The following OPCML variants were observed in gnomAD, a reference collection of about 807,000 sequenced individuals.
OPCML encodes opioid-binding protein/cell adhesion molecule.
A neutral mutation model predicts 37.8 loss-of-function variants in OPCML; 13 were observed. The ratio of observed to expected loss-of-function variants is 0.34; its 90% CI spans 0.22 to 0.55. The LOEUF is 0.55. Ranked by LOEUF, OPCML falls within the 20% of genes least tolerant of loss-of-function variation. OPCML has a pLI of 0.91. For synonymous variants in OPCML, 176 were observed against 168.8 expected, an observed-to-expected ratio of 1.04 and a Z score of -0.33; for missense variants, 341 against 435.6, an observed-to-expected ratio of 0.78 and a Z score of 1.93.
At chr11:132,992,969 G>C (rs767665305) in intron 1 of OPCML, among the ~76,000 whole-genome samples, 2 of 152,208 alleles carry the variant, frequency 1.3e-5, no homozygotes, top group South Asian at 2.1e-4. Flanking sequence ...TTTCATCTCC[G>C]TGTATGGGAG....
chr11:132,949,667 G>A (rs796170414), intron 1 of OPCML, among the ~76,000 whole-genome samples: 7 of 152,076 alleles, frequency 4.6e-5, no homozygotes, highest in East Asian at 1.9e-4. Flanking sequence ...AATGTAACAC[G>A]ATTTTTACTT....
chr11:132,486,289 T>C (rs1490453742), intron 4 of OPCML, among the ~76,000 whole-genome samples: 1 of 152,130 alleles, frequency 6.6e-6, no homozygotes, highest in African/African-American at 2.4e-5. Context: ...GATGCACCTA[T>C]CTTAGGGTTA....
chr11:133,527,552 C>A (rs1365910537), intron 1 of OPCML, among the ~76,000 whole-genome samples: 2 of 152,156 alleles, frequency 1.3e-5, no homozygotes, highest in Admixed American at 1.3e-4. Context: ...TCTACCTTAT[C>A]TTCTCCCATT....
At chr11:133,130,069 T>C (rs1054194101) in intron 1 of OPCML, among the ~76,000 whole-genome samples, 3 of 151,924 alleles carry the variant, frequency 2.0e-5, no homozygotes, top group Admixed American at 6.6e-5. Context: ...CTGTATTCCA[T>C]ACGTTCAAAT....
chr11:132,942,833 C>G (rs981911087), intron 2 of OPCML, 93 bp downstream of exon 2: 10 of 1,518,236 alleles, frequency 6.6e-6, no homozygotes, highest in Non-Finnish European at 9.0e-6. Context: ...ACTCGCGTTC[C>G]GGTCCCCCAT....
intron 1 of OPCML, among the ~76,000 whole-genome samples, chr11:133,235,590 C>T (rs1940476670): frequency 6.6e-6 from 1 of 152,196 alleles, no homozygotes; most frequent in Non-Finnish European, 1.5e-5. Context: ...GAAGTCAGAA[C>T]ACATTGCATG....
chr11:133,464,248 C>T (rs1946925341), intron 1 of OPCML, among the ~76,000 whole-genome samples: 1 of 152,186 alleles, frequency 6.6e-6, no homozygotes. Flanking sequence ...CCACCCAAAG[C>T]CCTTGCCATT....
intron 1 of OPCML, among the ~76,000 whole-genome samples, chr11:133,450,787 C>T (rs1267856188): frequency 2.6e-5 from 4 of 151,456 alleles, no homozygotes; most frequent in Non-Finnish European, 4.4e-5. Context: ...AGTTATTGTC[C>T]TGGATAGCTC....
At chr11:133,430,364 C>A (rs2136914837) in intron 1 of OPCML, among the ~76,000 whole-genome samples, 1 of 152,158 alleles carries the variant, frequency 6.6e-6, no homozygotes, top group Non-Finnish European at 1.5e-5. Context: ...AGGCAAGGTT[C>A]AACATTTGGA....
At chr11:132,613,521 C>T (rs1938795919) in intron 3 of OPCML, among the ~76,000 whole-genome samples, 1 of 152,146 alleles carries the variant, frequency 6.6e-6, no homozygotes, top group African/African-American at 2.4e-5. Context: ...CTCTGCCAAA[C>T]CATTGGAACT....
chr11:132,753,331 A>C (rs1945904160), intron 2 of OPCML, among the ~76,000 whole-genome samples: 1 of 152,180 alleles, frequency 6.6e-6, no homozygotes, highest in Non-Finnish European at 1.5e-5. Flanking sequence ...ATTCTGATTC[A>C]TTTTCATAAT....
chr11:132,815,083 G>A (rs1939554873), intron 2 of OPCML, among the ~76,000 whole-genome samples: 1 of 152,122 alleles, frequency 6.6e-6, no homozygotes, highest in Non-Finnish European at 1.5e-5. Flanking sequence ...ACCCTTTGCT[G>A]TAAAGTTGAA....
intron 1 of OPCML, among the ~76,000 whole-genome samples, chr11:132,956,523 GT>G (rs1945981336): frequency 6.6e-6 from 1 of 152,032 alleles, no homozygotes; most frequent in Non-Finnish European, 1.5e-5. Flanking sequence ...TTTATTGTAG[GT>G]TTTGACCAAA....
At chr11:133,274,308 C>T (rs369573458) in intron 1 of OPCML, among the ~76,000 whole-genome samples, 10 of 151,496 alleles carry the variant, frequency 6.6e-5, no homozygotes, top group African/African-American at 1.5e-4. Flanking sequence ...AGTTCCTGTG[C>T]GGTCATACTG....
intron 2 of OPCML, among the ~76,000 whole-genome samples, chr11:132,738,052 A>G: frequency 6.6e-6 from 1 of 152,190 alleles, no homozygotes; most frequent in East Asian, 1.9e-4. Flanking sequence ...TAGGACACCT[A>G]GATAGCTCTG....
intron 2 of OPCML, among the ~76,000 whole-genome samples, chr11:132,858,824 G>A (rs1942173540): frequency 6.6e-6 from 1 of 152,124 alleles, no homozygotes; most frequent in Non-Finnish European, 1.5e-5. Context: ...AATTCAATGG[G>A]TCCTTGTGAT....
chr11:132,891,672 G>A (rs574739540), intron 2 of OPCML, among the ~76,000 whole-genome samples: 1 of 152,188 alleles, frequency 6.6e-6, no homozygotes, highest in Non-Finnish European at 1.5e-5. Context: ...GCCTGGCACA[G>A]AGCAAGTGCT....
chr11:133,421,462 G>A (rs1378798197), intron 1 of OPCML: 7 of 985,234 alleles, frequency 7.1e-6, no homozygotes, highest in East Asian at 1.1e-4. Flanking sequence ...AAGAAAAAAC[G>A]GAAATTATCA....
At chr11:132,608,140 A>T (rs1026414953) in intron 3 of OPCML, among the ~76,000 whole-genome samples, 1 of 152,186 alleles carries the variant, frequency 6.6e-6, no homozygotes, top group Admixed American at 6.5e-5. Flanking sequence ...ATTTATGTAT[A>T]AATAAAAATA....
Sources: gnomAD v4.1 joint callset for allele counts (sites outside exome capture counted in the v4.1 genomes callset) on GRCh38, gnomAD v4.1.1 for gene constraint, MANE v1.5 for transcripts, NCBI Gene and HGNC (gene_info 2026-07-23, HGNC 2026-07-21) for gene names.